ZFHX3: variants seen among roughly 807,000 people sequenced by gnomAD.
ZFHX3 encodes the protein zinc finger homeobox 3.
ZFHX3 carries 42 observed loss-of-function variants against 279.1 expected under a neutral mutation model. The observed-to-expected ratio is 0.15, with a 90% confidence interval of 0.12 to 0.19. The LOEUF (loss-of-function observed/expected upper bound fraction) is 0.19, where lower values mean the gene tolerates loss of function less well. Among genes scored for constraint, ZFHX3 ranks in the 10% least tolerant of loss-of-function variants. The pLI is 1.00. For synonymous variants in ZFHX3, 2,293 were observed against 1,957.8 expected (o/e 1.17, Z -4.52); for missense variants, 4,981 against 4,754.0 (o/e 1.05, Z -1.40).
intron 4 of ZFHX3, among the ~76,000 whole-genome samples, chr16:72,866,513 A>C (rs1179494296): frequency 1.3e-5 from 2 of 152,228 alleles, no homozygotes; most frequent in Non-Finnish European, 2.9e-5. Flanking sequence ...AAAAGGTAAG[A>C]AATCCTCAGG....
chr16:73,396,451 C>T (rs113222886), intron 3 of ZFHX3, among the ~76,000 whole-genome samples: 3,094 of 152,108 alleles, frequency 0.02, 102 homozygotes, highest in African/African-American at 0.07. Context: ...TCATTCAACA[C>T]ATACTAAGTG....
rs988924545 is a variant in ZFHX3, at chr16:72,842,565, C to T, written c.3449-12706G>A. Among the ~76,000 whole-genome samples, 4 of 152,058 alleles carry T rather than the reference C, an allele frequency of 2.6e-5. No individual in the cohort carries two copies. In the South Asian group the frequency reaches 6.2e-4, roughly 24 times the overall value. ...GGCAGTGCAACACTGAAGATAAGAC[C>T]GTCCCATGATTAGAAAGAATAAAGT... On this transcript the variant is annotated intron_variant, in intron 4 of 9. Coordinates refer to ENST00000268489, the MANE Select transcript of ZFHX3 (RefSeq NM_006885.4).
chr16:73,585,145 C>T (rs138446455), intron 2 of ZFHX3, among the ~76,000 whole-genome samples: 9 of 152,276 alleles, frequency 5.9e-5, no homozygotes, highest in East Asian at 1.9e-4. Context: ...AGGTCAGGTG[C>T]GGTGGCTCAC....
chr16:73,736,024 A>C (rs892841926), intron 1 of ZFHX3, among the ~76,000 whole-genome samples: 2 of 151,952 alleles, frequency 1.3e-5, no homozygotes, highest in African/African-American at 4.8e-5. Context: ...CTGGACTCAC[A>C]GCTCTTCCTG....
chr16:72,846,822 G>T (rs549942346), intron 4 of ZFHX3, among the ~76,000 whole-genome samples: 1 of 152,202 alleles, frequency 6.6e-6, no homozygotes, highest in Admixed American at 6.5e-5. Context: ...TGGCAGGGGT[G>T]GGGGTAGAGC....
rs71156152 is a variant in ZFHX3 at position 73,284,316 on chromosome 16, C to CA, written c.-1193-27181dup. 4.0e-3 allele frequency among the ~76,000 whole-genome samples: 335 copies of CA among 83,010 alleles called. 4 individuals are homozygous for CA. Among genetic ancestry groups the CA allele is most frequent in the African/African-American group, 5.7e-3 (118 of 20,756 alleles). 54.5% of individuals were successfully genotyped at this position (83,010 alleles called of 152,430 possible). The stretch of plus-strand genomic sequence containing the variant: ...TGGGCAACAGAGTGAGACTCTGTCT[C>CA]AAAAAAAAAAAAAAAAAAAAAAAGA... On this transcript the variant is annotated intron_variant, in intron 4 of 17. Coordinates refer to the ZFHX3 transcript ENST00000641206.
chr16:73,452,903 G>A (rs2143562706), intron 3 of ZFHX3, among the ~76,000 whole-genome samples: 1 of 152,302 alleles, frequency 6.6e-6, no homozygotes, highest in South Asian at 2.1e-4. Flanking sequence ...TACTCCTTAA[G>A]ACTTGACCTA....
chr16:73,851,949 A>T (rs771264437), intron 1 of ZFHX3, among the ~76,000 whole-genome samples: 16 of 152,164 alleles, frequency 1.1e-4, no homozygotes, highest in Admixed American at 2.6e-4. Context: ...AAGTCCAGGG[A>T]TGCCAAACAT....
chr16:73,054,340 C>T (rs1370368244), intron 1 of ZFHX3, among the ~76,000 whole-genome samples: 5 of 151,766 alleles, frequency 3.3e-5, no homozygotes, highest in South Asian at 2.1e-4. Flanking sequence ...GGCAGGCGAG[C>T]GCCACCAGCC....
intron 3 of ZFHX3, among the ~76,000 whole-genome samples, chr16:73,373,131 G>A (rs912137460): frequency 6.3e-5 from 3 of 47,368 alleles, no homozygotes; most frequent in African/African-American, 3.1e-4. Flanking sequence ...TGGGGCGCTG[G>A]TGAGGAGGTT....
At chr16:73,581,659 C>CCTTTTTT (rs2051861771) in intron 2 of ZFHX3, among the ~76,000 whole-genome samples, 1 of 73,428 alleles carries the variant, frequency 1.4e-5, no homozygotes, top group African/African-American at 5.7e-5. Flanking sequence ...TCGAATGTCT[C>CCTTTTTT]TTTTTTTTTT....
intron 1 of ZFHX3, among the ~76,000 whole-genome samples, chr16:73,797,651 A>G (rs1470763660): frequency 6.6e-6 from 1 of 152,144 alleles, no homozygotes; most frequent in African/African-American, 2.4e-5. Flanking sequence ...ATTTGGATCT[A>G]CACTGGTACG....
intron 5 of ZFHX3, among the ~76,000 whole-genome samples, chr16:73,147,670 C>T (rs377232668): frequency 3.3e-4 from 38 of 114,778 alleles, no homozygotes; most frequent in African/African-American, 1.2e-3. Context: ...CCAGCCTGGG[C>T]GACAGAGCGA....
chr16:73,356,655 C>T (rs1359119726), intron 3 of ZFHX3, among the ~76,000 whole-genome samples: 15 of 152,054 alleles, frequency 9.9e-5, no homozygotes, highest in Admixed American at 8.5e-4. Flanking sequence ...ATATGCTGAG[C>T]ACCTTCTTGT....
At chr16:73,428,742 C>T (rs1344697535) in intron 3 of ZFHX3, among the ~76,000 whole-genome samples, 1 of 152,218 alleles carries the variant, frequency 6.6e-6, no homozygotes, top group African/African-American at 2.4e-5. Context: ...ACCTGCCACG[C>T]TCTCCATTGA....
intron 7 of ZFHX3, among the ~76,000 whole-genome samples, chr16:72,801,568 G>A (rs1178988809): frequency 6.6e-6 from 1 of 152,128 alleles, no homozygotes; most frequent in Non-Finnish European, 1.5e-5. Flanking sequence ...GCCAGCGGGT[G>A]CAAAAAGTAA....
intron 1 of ZFHX3, among the ~76,000 whole-genome samples, chr16:73,057,534 GCA>G (rs1567653698): frequency 1.5e-5 from 1 of 66,562 alleles, no homozygotes. Flanking sequence ...ATTCGCGAGA[GCA>G]AAAAAAAAAA....
chr16:73,720,857 T>G (rs565799585), intron 1 of ZFHX3, among the ~76,000 whole-genome samples: 13 of 152,340 alleles, frequency 8.5e-5, no homozygotes, highest in African/African-American at 3.1e-4. Flanking sequence ...TTTGTTCTCC[T>G]TGTTCAGAAA....
intron 1 of ZFHX3, among the ~76,000 whole-genome samples, chr16:72,996,872 G>A (rs1210824253): frequency 6.6e-6 from 1 of 152,208 alleles, no homozygotes; most frequent in African/African-American, 2.4e-5. Flanking sequence ...GAAGCTTAAG[G>A]TCAGCCTCGT....
Sources: allele counts gnomAD v4.1 joint callset (sites outside exome capture counted in the v4.1 genomes callset), GRCh38; gene constraint gnomAD v4.1.1; transcripts MANE v1.5; gene names NCBI Gene and HGNC (gene_info 2026-07-23, HGNC 2026-07-21).